CNTN1: variants seen among roughly 807,000 people sequenced by gnomAD.
CNTN1 encodes the protein contactin 1, also known as contactin-1.
Under a neutral mutation model 126.4 loss-of-function variants are expected in CNTN1, and 38 were observed. That is an observed-to-expected ratio of 0.30 (90% CI 0.23 to 0.39). CNTN1 has a LOEUF of 0.39. CNTN1 is among the 10% of genes least tolerant of loss of function. CNTN1 has a pLI of 1.00. For synonymous variants in CNTN1, 413 were observed against 422.6 expected (o/e 0.98, Z 0.28); for missense variants, 1,009 against 1,248.4 (o/e 0.81, Z 2.89).
chr12:40,692,505 G>A lies in CNTN1; in HGVS notation c.-164G>A, dbSNP rs1941325274. The A allele has an allele frequency of 6.6e-6, 1 of 152,584 alleles. No individual in the cohort carries two copies. 9.5% of individuals were successfully genotyped at this position (152,584 alleles called of 1,614,324 possible). On this transcript the variant is annotated 5_prime_UTR_variant, in exon 1 of 24. The change abolishes an upstream ATG in the 5' untranslated region. Transcript: ENST00000551295. ...CGAGGAGGGGCGCCGGTGGGGAGAT[G>A]CGCTCCCAGGTGTTTGCAGCGGAAG...
intron 17 of CNTN1, among the ~76,000 whole-genome samples, chr12:40,998,491 C>A (rs1375084356): frequency 1.3e-5 from 2 of 152,028 alleles, no homozygotes; most frequent in African/African-American, 4.8e-5. Flanking sequence ...CTATCTGTGA[C>A]CCTCTATCTT....
At chr12:40,846,638 A>T (rs1942513952) in intron 1 of CNTN1, among the ~76,000 whole-genome samples, 1 of 152,258 alleles carries the variant, frequency 6.6e-6, no homozygotes, top group African/African-American at 2.4e-5. Context: ...GGAGAGTTTC[A>T]ATCAGAAATG....
intron 23 of CNTN1, among the ~76,000 whole-genome samples, chr12:41,064,697 ATCCCCCTTTCAC>A (rs1014592792): frequency 5.3e-5 from 8 of 152,108 alleles, no homozygotes; most frequent in African/African-American, 1.9e-4. Flanking sequence ...TGAGTAAAGC[ATCCCCCTTTCAC>A]CCAGTTCAAT....
chr12:40,784,864 G>C (rs1939946647), intron 1 of CNTN1, among the ~76,000 whole-genome samples: 1 of 152,096 alleles, frequency 6.6e-6, no homozygotes. Context: ...CTTTCACTCA[G>C]GTTTGGGGGC....
At chr12:40,943,544 A>C in intron 12 of CNTN1, 53 bp from the exon 13 acceptor site, 1 of 1,312,008 alleles carries the variant, frequency 7.6e-7, no homozygotes, top group Admixed American at 1.7e-5. Context: ...AAGACATAAT[A>C]ATGTATTTTA....
intron 15 of CNTN1, among the ~76,000 whole-genome samples, chr12:40,973,285 T>C (rs1218248068): frequency 2.0e-5 from 3 of 152,058 alleles, no homozygotes; most frequent in African/African-American, 7.2e-5. Flanking sequence ...TCAGAAAACA[T>C]TGATTTATAT....
At chr12:40,836,242 TA>T (rs1416187970) in intron 1 of CNTN1, among the ~76,000 whole-genome samples, 1 of 148,172 alleles carries the variant, frequency 6.7e-6, no homozygotes, top group Non-Finnish European at 1.5e-5. Context: ...TACATAATCA[TA>T]TATGTATATA....
intron 9 of CNTN1, among the ~76,000 whole-genome samples, chr12:40,935,203 C>G (rs10879371): frequency 0.17 from 26,412 of 151,976 alleles, 2,288 homozygotes; most frequent in Middle Eastern, 0.2. Context: ...CATATCAAGT[C>G]TGCATGAAAT....
chr12:40,713,450 G>GTATA (rs147636685), intron 1 of CNTN1, among the ~76,000 whole-genome samples: 33 of 149,006 alleles, frequency 2.2e-4, no homozygotes, highest in African/African-American at 7.9e-4. Context: ...ACTAAATAAA[G>GTATA]TATATATATA....
chr12:40,943,466 C>A, intron 12 of CNTN1, 131 bp from the exon 13 acceptor site: 1 of 691,216 alleles, frequency 1.4e-6, no homozygotes, highest in Non-Finnish European at 2.4e-6. Flanking sequence ...TGTCATCTTA[C>A]AAAAATGTCT....
rs777345388 is a variant in CNTN1, at chr12:40,959,239, G to A, written c.1804+5G>A. ...CAGCTGACCTTGTAGTGAGAGGTAAGAGTTTCAACATTTTAAAATTACAAA... is the reference window on the plus strand; with the variant it reads ...CAGCTGACCTTGTAGTGAGAGGTAAAAGTTTCAACATTTTAAAATTACAAA... On this transcript the variant is annotated splice_donor_5th_base_variant and intron_variant, in intron 15 of 23. Coordinates refer to ENST00000551295, the MANE Select transcript of CNTN1 (RefSeq NM_001843.4). The A allele has an allele frequency of 8.1e-6, 13 of 1,612,080 alleles. No homozygotes were observed. Among genetic ancestry groups the A allele is most frequent in the Non-Finnish European group, 1.1e-5 (13 of 1,178,786 alleles).
At position 41,056,988 on chromosome 12, in the gene CNTN1, T is replaced by G. The variant is rs1248547946; in HGVS notation, c.2981-12971T>G. Among the ~76,000 whole-genome samples the G allele has an allele frequency of 7.2e-5, 7 of 96,642 alleles. No individual in the cohort carries two copies. In the East Asian group the frequency reaches 1.8e-3, roughly 25 times the overall value. 63.4% of individuals were successfully genotyped at this position (96,642 alleles called of 152,430 possible). A position where few individuals can be genotyped will look rare whatever the true frequency, so the allele number is the denominator to read the frequency against. ...AATATTATAAATATTTAGATATTTA[T>G]AAATATTATAAATATTTAGATATTT... On this transcript the variant is annotated intron_variant, in intron 23 of 23. Transcript: ENST00000551295.
chr12:40,854,852 G>A lies in CNTN1; in HGVS notation c.-76-53505G>A, dbSNP rs138755863. Among the ~76,000 whole-genome samples, 98 of 152,156 alleles carry A rather than the reference G, an allele frequency of 6.4e-4. 1 individual carries two copies. The highest frequency in any genetic ancestry group is 2.2e-3 in the African/African-American group (90 of 41,494). On this transcript the variant is annotated intron_variant, in intron 1 of 23. Coordinates refer to ENST00000551295, the MANE Select transcript of CNTN1 (RefSeq NM_001843.4). ...GAGGAAGATAGCCCAGAGGAGTCAG[G>A]GAGTCAAGAAAGAAGAGGAATTTGA...
intron 20 of CNTN1, among the ~76,000 whole-genome samples, 177 bp downstream of exon 20, chr12:41,020,617 C>T (rs1047976543): frequency 3.3e-5 from 5 of 152,066 alleles, no homozygotes; most frequent in Admixed American, 2.6e-4. Context: ...ACAGGGGTTC[C>T]TAACTGGCCT....
chr12:40,894,082 A>G (rs908160911), intron 1 of CNTN1, among the ~76,000 whole-genome samples: 1 of 152,150 alleles, frequency 6.6e-6, no homozygotes, highest in Non-Finnish European at 1.5e-5. Context: ...ACAGGTACTA[A>G]GCAGTCAATG....
At chr12:40,976,528 T>A (rs1233500487) in intron 15 of CNTN1, among the ~76,000 whole-genome samples, 4 of 145,928 alleles carry the variant, frequency 2.7e-5, no homozygotes, top group Non-Finnish European at 6.0e-5. Flanking sequence ...CGCATGGTAA[T>A]GGAAACTAAA....
At chr12:40,810,087 A>T (rs974015795) in intron 1 of CNTN1, among the ~76,000 whole-genome samples, 2 of 152,128 alleles carry the variant, frequency 1.3e-5, no homozygotes, top group African/African-American at 4.8e-5. Flanking sequence ...GTTTTTAGAT[A>T]AGTACCTTTT....
intron 1 of CNTN1, among the ~76,000 whole-genome samples, chr12:40,718,840 T>G (rs1490689856): frequency 1.3e-5 from 2 of 152,128 alleles, no homozygotes; most frequent in Non-Finnish European, 2.9e-5. Flanking sequence ...ACTGTTATCT[T>G]TATTTGAAAA....
At chr12:40,893,876 T>C (rs1944317599) in intron 1 of CNTN1, among the ~76,000 whole-genome samples, 1 of 152,132 alleles carries the variant, frequency 6.6e-6, no homozygotes, top group South Asian at 2.1e-4. Context: ...TTACCTAGTA[T>C]CTCCACTTGA....
Sources: gnomAD v4.1 joint callset for allele counts (sites outside exome capture counted in the v4.1 genomes callset) on GRCh38, gnomAD v4.1.1 for gene constraint, MANE v1.5 for transcripts, NCBI Gene and HGNC (gene_info 2026-07-23, HGNC 2026-07-21) for gene names.